The following KATNIP variants were observed in gnomAD, a reference collection of about 807,000 sequenced individuals.
KATNIP encodes the protein katanin-interacting protein.
A neutral mutation model predicts 174.0 loss-of-function variants in KATNIP; 126 were observed. That is an observed-to-expected ratio of 0.72 (90% CI 0.63 to 0.84). KATNIP has a LOEUF of 0.84. KATNIP is among the 40% of genes least tolerant of loss of function. The pLI is 0.00. For synonymous variants in KATNIP, 810 were observed against 835.7 expected (o/e 0.97, Z 0.53); for missense variants, 1,958 against 2,109.7 (o/e 0.93, Z 1.41).
intron 6 of KATNIP, chr16:27,660,003 G>A (rs922188780): frequency 6.3e-5 from 62 of 984,584 alleles, no homozygotes; most frequent in East Asian, 3.4e-4. Flanking sequence ...ATAACATTAC[G>A]CCTCCTGAGG....
intron 1 of KATNIP, among the ~76,000 whole-genome samples, chr16:27,550,758 CTG>C (rs1567425038): frequency 6.6e-6 from 1 of 152,162 alleles, no homozygotes; most frequent in Non-Finnish European, 1.5e-5. Flanking sequence ...GATGATGAAA[CTG>C]AGGCTCAGAG....
chr16:27,654,753 G>A (rs1458126219), intron 6 of KATNIP: 5 of 1,351,804 alleles, frequency 3.7e-6, no homozygotes, highest in Non-Finnish European at 3.9e-6. Flanking sequence ...TCAGTTTTCA[G>A]CATCCTAACC....
chr16:27,778,536 C>G, intron 27 of KATNIP, 38 bp from the exon 28 acceptor site: 2 of 1,604,672 alleles, frequency 1.2e-6, no homozygotes, highest in Non-Finnish European at 1.7e-6. Flanking sequence ...GGGTTTGAGA[C>G]TTAGTAACTC....
At chr16:27,581,549 C>T (rs893451530) in intron 2 of KATNIP, among the ~76,000 whole-genome samples, 1 of 152,008 alleles carries the variant, frequency 6.6e-6, no homozygotes, top group East Asian at 1.9e-4. Context: ...AGAGGAGGGA[C>T]GTTTACTTGA....
At chr16:27,632,325 A>C (rs888822014) in intron 5 of KATNIP, 2 of 176,222 alleles carry the variant, frequency 1.1e-5, no homozygotes, top group African/African-American at 2.4e-5. Context: ...AGAAAACTGC[A>C]CTTTGAAGTT....
In KATNIP at chr16:27,761,556, C is replaced by G; in HGVS notation, c.3775C>G (p.Pro1259Ala). 1 of 1,614,120 alleles carries G rather than the reference C, an allele frequency of 6.2e-7. No individual in the cohort carries two copies. The highest frequency in any genetic ancestry group is 8.5e-7 in the Non-Finnish European group (1 of 1,180,026). The change falls in exon 19 of 28, where the codon CCC becomes GCC. Residue 1259 changes from proline (P) to alanine (A), a missense_variant. Physicochemically the swap from Pro to Ala is conservative, Grantham distance 27. Transcript: ENST00000261588. ...SASPRDLNEL[P>A]EYSDDSRALD... ...TTCCCCCAGAGACTTAAATGAGCTC[C>G]CCGAGTACTCTGACGACTCCCGGGC... is the stretch of plus-strand genomic sequence containing the variant.
At chr16:27,578,586 C>CT (rs1254209922) in intron 2 of KATNIP, among the ~76,000 whole-genome samples, 5 of 151,464 alleles carry the variant, frequency 3.3e-5, no homozygotes, top group East Asian at 1.9e-4. Flanking sequence ...ACGGTCATTT[C>CT]TTTTTTTTTG....
chr16:27,763,106 A>G (rs1226057704), intron 19 of KATNIP, among the ~76,000 whole-genome samples: 3 of 152,062 alleles, frequency 2.0e-5, no homozygotes, highest in Non-Finnish European at 4.4e-5. Context: ...ACTTGAGCCC[A>G]GGAATTCGAG....
intron 12 of KATNIP, among the ~76,000 whole-genome samples, chr16:27,705,602 C>T (rs1418862033): frequency 6.6e-6 from 1 of 152,140 alleles, no homozygotes. Flanking sequence ...CAAATATCTG[C>T]TGCAAGTTCA....
At chr16:27,560,690 G>T (rs2089845221) in intron 1 of KATNIP, among the ~76,000 whole-genome samples, 1 of 152,198 alleles carries the variant, frequency 6.6e-6, no homozygotes, top group African/African-American at 2.4e-5. Context: ...ACCACCTGCA[G>T]AATTAGCTAC....
In KATNIP at chr16:27,776,908, T is replaced by C; in HGVS notation, c.4450-20T>C. 6.4e-7 allele frequency: 1 copy of C among 1,553,890 alleles called. No homozygotes were observed. The highest frequency in any genetic ancestry group is 8.9e-7 in the Non-Finnish European group (1 of 1,125,584). On this transcript the variant is annotated intron_variant, in intron 24 of 27. Coordinates refer to ENST00000261588, the MANE Select transcript of KATNIP (RefSeq NM_015202.5). This position sits in a 1 kb window ranked among gnomAD's most constrained non-coding sequence, Gnocchi z 4.7. ...CTGTTTCCAAACATGCCTGTTTTAATTAGTGCCGCTCTCTGACAGGTGAAC... is the reference window on the plus strand; with the variant it reads ...CTGTTTCCAAACATGCCTGTTTTAACTAGTGCCGCTCTCTGACAGGTGAAC...
At chr16:27,646,015 A>G (rs1229810135) in intron 5 of KATNIP, among the ~76,000 whole-genome samples, 2 of 152,200 alleles carry the variant, frequency 1.3e-5, no homozygotes, top group African/African-American at 2.4e-5. Context: ...TAGGGTTTGG[A>G]TGCATGGAAA....
At chr16:27,602,088 G>A (rs1368121026) in intron 2 of KATNIP, among the ~76,000 whole-genome samples, 3 of 152,176 alleles carry the variant, frequency 2.0e-5, no homozygotes, top group Admixed American at 6.5e-5. Flanking sequence ...CTGAGAGGGC[G>A]AAAGCAGCTT....
At chr16:27,550,847 G>A (rs925308120) in intron 1 of KATNIP, among the ~76,000 whole-genome samples, 3 of 152,172 alleles carry the variant, frequency 2.0e-5, no homozygotes, top group African/African-American at 7.2e-5. Flanking sequence ...CCTGTCTCTG[G>A]AGCTGAATTA....
chr16:27,560,060 G>C (rs2089804472), intron 1 of KATNIP, among the ~76,000 whole-genome samples: 2 of 150,864 alleles, frequency 1.3e-5, no homozygotes, highest in African/African-American at 4.9e-5. Flanking sequence ...GAGGCGGGCA[G>C]ATCACGAGGT....
intron 3 of KATNIP, among the ~76,000 whole-genome samples, chr16:27,620,417 C>T (rs2076159521): frequency 6.6e-6 from 1 of 152,228 alleles, no homozygotes; most frequent in Admixed American, 6.5e-5. Flanking sequence ...GGCAGAGTAA[C>T]TGCACCCATT....
chr16:27,608,335 A>ATCCTC, intron 2 of KATNIP, among the ~76,000 whole-genome samples: 1 of 141,872 alleles, frequency 7.0e-6, no homozygotes, highest in South Asian at 2.2e-4. Context: ...GACTCAAGCC[A>ATCCTC]TCCTCCCACC....
At chr16:27,761,363 C>T (rs767700490) in intron 18 of KATNIP, 50 bp from the exon 19 acceptor site, 1 of 1,522,484 alleles carries the variant, frequency 6.6e-7, no homozygotes, top group East Asian at 2.3e-5. Context: ...ATTTTAGATG[C>T]CTCCTCTGGA....
intron 2 of KATNIP, among the ~76,000 whole-genome samples, chr16:27,616,733 A>C (rs560367767): frequency 1.3e-5 from 2 of 151,412 alleles, no homozygotes; most frequent in Non-Finnish European, 2.9e-5. Context: ...TCTCAGAAAA[A>C]AAATAAAAAA....
Sources: gnomAD v4.1 joint callset for allele counts (sites outside exome capture counted in the v4.1 genomes callset) on GRCh38, gnomAD v4.1.1 for gene constraint, Gnocchi (gnomAD v3.1) non-coding constraint, MANE v1.5 for transcripts, NCBI Gene and HGNC (gene_info 2026-07-23, HGNC 2026-07-21) for gene names.